The following KCNIP4 variants were observed in gnomAD, a reference collection of about 807,000 sequenced individuals.
The protein encoded by KCNIP4 is potassium voltage-gated channel interacting protein 4, also known as Kv channel-interacting protein 4.
A neutral mutation model predicts 34.0 loss-of-function variants in KCNIP4; 12 were observed. That is an observed-to-expected ratio of 0.35 (90% CI 0.23 to 0.57). The LOEUF is 0.57. Among genes scored for constraint, KCNIP4 ranks in the 20% least tolerant of loss-of-function variants. KCNIP4 has a pLI of 0.83. For missense variants in KCNIP4, 238 were observed against 311.7 expected, an observed-to-expected ratio of 0.76 and a Z score of 1.78; for synonymous variants, 124 against 102.2, an observed-to-expected ratio of 1.21 and a Z score of -1.29.
intron 1 of KCNIP4, among the ~76,000 whole-genome samples, chr4:20,902,679 C>A (rs370929319): frequency 1.3e-5 from 2 of 152,008 alleles, no homozygotes; most frequent in Admixed American, 6.6e-5. Flanking sequence ...GCCACCACAC[C>A]GGGCTAATTT....
chr4:21,108,953 C>G (rs1258188042), intron 1 of KCNIP4, among the ~76,000 whole-genome samples: 1 of 152,168 alleles, frequency 6.6e-6, no homozygotes, highest in African/African-American at 2.4e-5. Flanking sequence ...GATCATTCCT[C>G]TGGAAGTTTT....
At chr4:21,072,731 C>T (rs1006588391) in intron 1 of KCNIP4, among the ~76,000 whole-genome samples, 2 of 151,748 alleles carry the variant, frequency 1.3e-5, no homozygotes, top group African/African-American at 4.9e-5. Context: ...ATGCCTATGT[C>T]CTGAATGGTA....
At chr4:21,387,291 A>G (rs1376125211) in intron 1 of KCNIP4, among the ~76,000 whole-genome samples, 2 of 152,144 alleles carry the variant, frequency 1.3e-5, no homozygotes, top group Non-Finnish European at 2.9e-5. Flanking sequence ...AGGAACAATG[A>G]TCAGTTTGAC....
At chr4:20,871,259 G>A (rs1478311442) in intron 2 of KCNIP4, among the ~76,000 whole-genome samples, 1 of 152,004 alleles carries the variant, frequency 6.6e-6, no homozygotes, top group Non-Finnish European at 1.5e-5. Context: ...TCACCAATTG[G>A]ACATCGGAGT....
chr4:21,438,997 C>T (rs528131906), intron 1 of KCNIP4, among the ~76,000 whole-genome samples: 22 of 152,070 alleles, frequency 1.4e-4, no homozygotes, highest in Admixed American at 1.2e-3. Flanking sequence ...CCCTTCTCTA[C>T]TAAAAATACG....
intron 1 of KCNIP4, among the ~76,000 whole-genome samples, chr4:21,453,512 C>T (rs911559549): frequency 6.6e-6 from 1 of 151,946 alleles, no homozygotes; most frequent in African/African-American, 2.4e-5. Context: ...ATCCAACACC[C>T]TCACTCTTTC....
At chr4:20,767,109 C>T (rs1015283311) in intron 3 of KCNIP4, 3 of 152,144 alleles carry the variant, frequency 2.0e-5, no homozygotes, top group Non-Finnish European at 4.4e-5. Flanking sequence ...CTCCATCACG[C>T]AATGAGTCAC....
At chr4:20,766,169 T>C (rs1054358060) in intron 3 of KCNIP4, among the ~76,000 whole-genome samples, 1 of 152,174 alleles carries the variant, frequency 6.6e-6, no homozygotes, top group African/African-American at 2.4e-5. Context: ...ATTAACTCCA[T>C]TTTACAAATG....
intron 1 of KCNIP4, among the ~76,000 whole-genome samples, chr4:21,590,988 A>G (rs1032555469): frequency 6.6e-6 from 1 of 152,040 alleles, no homozygotes; most frequent in African/African-American, 2.4e-5. Context: ...TAAAACACAC[A>G]AGAACACTAT....
intron 3 of KCNIP4, among the ~76,000 whole-genome samples, chr4:20,801,630 C>G (rs887621012): frequency 2.0e-5 from 3 of 151,924 alleles, no homozygotes; most frequent in Non-Finnish European, 4.4e-5. Context: ...CTGATTAAAA[C>G]TATAAGATGT....
chr4:21,507,655 C>T (rs1733961980), intron 1 of KCNIP4, among the ~76,000 whole-genome samples: 2 of 152,108 alleles, frequency 1.3e-5, no homozygotes, highest in African/African-American at 4.8e-5. Flanking sequence ...TACAGTACTG[C>T]TCCTTGACTA....
At chr4:21,151,403 A>T (rs1560767220) in intron 1 of KCNIP4, among the ~76,000 whole-genome samples, 1 of 127,756 alleles carries the variant, frequency 7.8e-6, no homozygotes, top group Non-Finnish European at 1.6e-5. Flanking sequence ...TCAACAAAAG[A>T]CAATTTTTTT....
At chr4:21,705,427 T>C (rs1267109460) in intron 1 of KCNIP4, among the ~76,000 whole-genome samples, 1 of 152,184 alleles carries the variant, frequency 6.6e-6, no homozygotes, top group East Asian at 1.9e-4. Context: ...TAATCTACAA[T>C]TATACCCAAA....
intron 1 of KCNIP4, among the ~76,000 whole-genome samples, chr4:21,652,503 T>C (rs1239533021): frequency 6.6e-6 from 1 of 152,028 alleles, no homozygotes; most frequent in Non-Finnish European, 1.5e-5. Context: ...GGCTGAAAGA[T>C]GTAAGGAGCC....
chr4:21,189,055 T>A (rs1266438375), intron 1 of KCNIP4, among the ~76,000 whole-genome samples: 2 of 152,192 alleles, frequency 1.3e-5, no homozygotes, highest in African/African-American at 4.8e-5. Context: ...TCCTCTTTGA[T>A]AAAATAAGGA....
chr4:20,930,607 A>T (rs560600158), intron 1 of KCNIP4, among the ~76,000 whole-genome samples: 1 of 152,206 alleles, frequency 6.6e-6, no homozygotes, highest in East Asian at 1.9e-4. Context: ...TTCACACAGC[A>T]TATCTCCTAA....
chr4:20,824,797 C>T (rs1308699716), intron 3 of KCNIP4, among the ~76,000 whole-genome samples: 3 of 148,232 alleles, frequency 2.0e-5, no homozygotes, highest in Admixed American at 6.9e-5. Flanking sequence ...AAAGGATTGT[C>T]CCATGTAACT....
intron 1 of KCNIP4, among the ~76,000 whole-genome samples, chr4:21,467,093 C>A (rs1183304981): frequency 6.8e-6 from 1 of 146,618 alleles, no homozygotes; most frequent in Non-Finnish European, 1.5e-5. Flanking sequence ...CACACACACA[C>A]ACACACACAC....
chr4:20,894,801 CA>C (rs1384979041), intron 1 of KCNIP4, among the ~76,000 whole-genome samples: 1 of 152,134 alleles, frequency 6.6e-6, no homozygotes, highest in African/African-American at 2.4e-5. Flanking sequence ...AACAATAGAA[CA>C]AGAAAGTCCT....
Sources: allele counts gnomAD v4.1 joint callset (sites outside exome capture counted in the v4.1 genomes callset), GRCh38; gene constraint gnomAD v4.1.1; transcripts MANE v1.5; gene names NCBI Gene and HGNC (gene_info 2026-07-23, HGNC 2026-07-21).